Variants in WWOX observed in about 807,000 individuals in gnomAD.
The protein encoded by WWOX is WW domain-containing oxidoreductase.
WWOX carries 69 observed loss-of-function variants against 46.2 expected under a neutral mutation model. That is an observed-to-expected ratio of 1.49 (90% CI 1.23 to 1.82). The LOEUF (loss-of-function observed/expected upper bound fraction) is 1.82. Among genes scored for constraint, WWOX ranks in the 40% most tolerant of loss-of-function variants. WWOX has a pLI of 0.00. For missense variants in WWOX, 919 were observed against 542.6 expected (o/e 1.69, Z -6.89); for synonymous variants, 359 against 202.6 (o/e 1.77, Z -6.56).
intron 8 of WWOX, among the ~76,000 whole-genome samples, chr16:78,446,144 A>T (rs1025598110): frequency 1.3e-5 from 2 of 152,250 alleles, no homozygotes; most frequent in East Asian, 3.8e-4. Context: ...AGTAGGGATC[A>T]TTCATAAAAC....
chr16:78,684,767 A>G (rs1374184492), intron 8 of WWOX, among the ~76,000 whole-genome samples: 1 of 152,218 alleles, frequency 6.6e-6, no homozygotes, highest in Admixed American at 6.5e-5. Flanking sequence ...TGGAAGCACC[A>G]TAGTTGTCAC....
At chr16:78,804,231 G>T (rs148569141) in intron 8 of WWOX, among the ~76,000 whole-genome samples, 116 of 152,218 alleles carry the variant, frequency 7.6e-4, no homozygotes, top group African/African-American at 2.6e-3. Flanking sequence ...CCTGAACACA[G>T]TGCGCCCTCA....
At chr16:79,176,868 C>G (rs910259475) in intron 8 of WWOX, among the ~76,000 whole-genome samples, 1 of 152,088 alleles carries the variant, frequency 6.6e-6, no homozygotes, top group Admixed American at 6.5e-5. Flanking sequence ...ATATCATCAT[C>G]CATTTATTTC....
chr16:78,261,003 A>G (rs987544611), intron 5 of WWOX, among the ~76,000 whole-genome samples: 6 of 151,010 alleles, frequency 4.0e-5, no homozygotes, highest in South Asian at 2.1e-4. Flanking sequence ...TAATGAAAGT[A>G]TGAAATTTTT....
chr16:78,660,706 C>G (rs1404261505), intron 8 of WWOX, among the ~76,000 whole-genome samples: 2 of 152,114 alleles, frequency 1.3e-5, no homozygotes, highest in African/African-American at 4.8e-5. Flanking sequence ...TCTTTCATTC[C>G]CAGACCTCTC....
chr16:78,474,801 C>T (rs1181768418), intron 8 of WWOX, among the ~76,000 whole-genome samples: 1 of 152,168 alleles, frequency 6.6e-6, no homozygotes, highest in Non-Finnish European at 1.5e-5. Context: ...TTTGTATATT[C>T]TGGACATTTC....
At chr16:79,161,495 A>C (rs16949738) in intron 8 of WWOX, among the ~76,000 whole-genome samples, 3 of 152,048 alleles carry the variant, frequency 2.0e-5, no homozygotes, top group African/African-American at 7.2e-5. Context: ...ATGTTTCTGA[A>C]TAAGTTATGT....
At chr16:78,466,714 G>A (rs1439251403) in intron 8 of WWOX, among the ~76,000 whole-genome samples, 2 of 152,062 alleles carry the variant, frequency 1.3e-5, no homozygotes, top group African/African-American at 2.4e-5. Flanking sequence ...CAGGCTTGGC[G>A]CTGGGTTTCT....
In WWOX at chr16:79,170,208, C is replaced by T. The variant is rs1332681142; in HGVS notation, c.1057-41400C>T. On this transcript the variant is annotated intron_variant, in intron 8 of 8. Transcript: ENST00000566780. ...ATTCCCGGTAGAATGTCCTATGTTC[C>T]TTTTGCACATTTCTCCTTACAAACA... 2.0e-5 allele frequency among the ~76,000 whole-genome samples: 3 copies of T among 152,158 alleles called. No homozygotes were observed. In the East Asian group the frequency reaches 5.8e-4, roughly 29 times the overall value.
chr16:78,923,369 T>C (rs1326233284), intron 8 of WWOX, among the ~76,000 whole-genome samples: 1 of 152,302 alleles, frequency 6.6e-6, no homozygotes, highest in African/African-American at 2.4e-5. Context: ...TTATTTCTAG[T>C]TCAGATCATT....
At chr16:78,150,098 G>T (rs932204247) in intron 4 of WWOX, among the ~76,000 whole-genome samples, 5 of 152,168 alleles carry the variant, frequency 3.3e-5, no homozygotes, top group Non-Finnish European at 7.3e-5. Flanking sequence ...AGATTGTCAA[G>T]TGCACTTCTG....
At chr16:79,152,135 C>T (rs1294662706) in intron 8 of WWOX, among the ~76,000 whole-genome samples, 5 of 152,164 alleles carry the variant, frequency 3.3e-5, no homozygotes, top group East Asian at 1.9e-4. Context: ...TAAAAGATAT[C>T]GATTTTGTTT....
At chr16:78,812,073 G>A (rs943672313) in intron 8 of WWOX, among the ~76,000 whole-genome samples, 23 of 151,966 alleles carry the variant, frequency 1.5e-4, no homozygotes, top group African/African-American at 4.6e-4. Flanking sequence ...TTTCTGAAAA[G>A]GATCAAGTCT....
At chr16:78,849,227 C>G (rs182042082) in intron 8 of WWOX, among the ~76,000 whole-genome samples, 1 of 152,178 alleles carries the variant, frequency 6.6e-6, no homozygotes, top group Admixed American at 6.5e-5. Flanking sequence ...GGGCATGTTG[C>G]TACAGAGTCA....
At chr16:78,652,447 G>A (rs886081155) in intron 8 of WWOX, among the ~76,000 whole-genome samples, 1 of 150,624 alleles carries the variant, frequency 6.6e-6, no homozygotes, top group Non-Finnish European at 1.5e-5. Flanking sequence ...AGAAAAAGGT[G>A]TTTGGAAGCC....
chr16:79,127,198 A>G (rs1216475568), intron 8 of WWOX, among the ~76,000 whole-genome samples: 1 of 152,062 alleles, frequency 6.6e-6, no homozygotes, highest in Non-Finnish European at 1.5e-5. Context: ...ATACATATAC[A>G]CACACACACC....
chr16:78,117,331 C>T (rs2151677869), intron 4 of WWOX, among the ~76,000 whole-genome samples: 1 of 152,162 alleles, frequency 6.6e-6, no homozygotes, highest in South Asian at 2.1e-4. Context: ...CAGCTCTTTC[C>T]CCAGCTGTCA....
chr16:78,168,738 A>T (rs775783580), intron 5 of WWOX, among the ~76,000 whole-genome samples: 1 of 152,192 alleles, frequency 6.6e-6, no homozygotes, highest in Non-Finnish European at 1.5e-5. Context: ...GTCTCTTTAT[A>T]TTCAAGATAT....
chr16:78,388,684 A>G (rs930203924), intron 6 of WWOX, among the ~76,000 whole-genome samples: 2 of 133,566 alleles, frequency 1.5e-5, no homozygotes, highest in Non-Finnish European at 3.1e-5. Flanking sequence ...AAAAGTTTGT[A>G]CTCAGCCTGG....
Sources: gnomAD v4.1 joint callset for allele counts (sites outside exome capture counted in the v4.1 genomes callset) on GRCh38, gnomAD v4.1.1 for gene constraint, MANE v1.5 for transcripts, NCBI Gene and HGNC (gene_info 2026-07-23, HGNC 2026-07-21) for gene names.